The following BRI3 variants were observed in gnomAD, a reference collection of about 807,000 sequenced individuals.
BRI3 encodes the protein brain protein I3.
Under a neutral mutation model 12.8 loss-of-function variants are expected in BRI3, and 6 were observed. The ratio of observed to expected loss-of-function variants is 0.47; its 90% CI spans 0.26 to 0.93. BRI3 has a LOEUF of 0.93. Ranked by LOEUF, BRI3 falls within the 40% of genes least tolerant of loss-of-function variation. The probability of loss-of-function intolerance (pLI) is 0.15; values close to 1 mark genes in which losing one functional copy is unlikely to be tolerated. For missense variants in BRI3, 134 were observed against 171.1 expected, an observed-to-expected ratio of 0.78 and a Z score of 1.21; for synonymous variants, 91 against 76.1, an observed-to-expected ratio of 1.20 and a Z score of -1.02.
Position 98,281,906 on chromosome 7 carries a change from CCCG to C in BRI3, c.120_122del (p.Pro41del). Reference sequence around the variant, plus strand: ...GCTACGGCGCCATCCCCGCCGCGCCCCCGCCGCCGCCCTACCCCTACCTCGTCA... The same window carrying C: ...GCTACGGCGCCATCCCCGCCGCGCCCCCGCCGCCCTACCCCTACCTCGTCA... On this transcript the variant is annotated inframe_deletion, in exon 1 of 3. Coordinates refer to ENST00000297290, the MANE Select transcript of BRI3 (RefSeq NM_015379.5). 1 of 1,297,330 alleles carries C rather than the reference CCCG, an allele frequency of 7.7e-7. No homozygotes were observed. The allele number at this position is 1,297,330 out of a possible 1,614,324, so 80.4% of individuals were successfully genotyped here.
chr7:98,313,598 C>A (rs1367698818), downstream of BRI3, among the ~76,000 whole-genome samples: 1 of 152,084 alleles, frequency 6.6e-6, no homozygotes, highest in African/African-American at 2.4e-5. Context: ...AATACAGCAA[C>A]TATTTCCTTT....
Position 98,281,692 on chromosome 7 carries a change from G to T in BRI3, c.-104G>T, listed in dbSNP as rs1287956349. On this transcript the variant is annotated 5_prime_UTR_variant, in exon 1 of 3. Transcript: ENST00000297290. Reference sequence around the variant, plus strand: ...CCCGCCCCGCGTCTGCCTCAGAGGGGCCCGAGCCACCCGGTCCGCCGCGTC... The same window carrying T: ...CCCGCCCCGCGTCTGCCTCAGAGGGTCCCGAGCCACCCGGTCCGCCGCGTC... 1 of 481,568 alleles carries T rather than the reference G, an allele frequency of 2.1e-6. No individual in the cohort carries two copies. Among genetic ancestry groups the T allele is most frequent in the South Asian group, 8.1e-5 (1 of 12,300 alleles). The allele number at this position is 481,568 out of a possible 1,614,324, so 29.8% of individuals were successfully genotyped here. A position where few individuals can be genotyped will look rare whatever the true frequency, so the allele number is the denominator to read the frequency against.
In BRI3 at chr7:98,291,253, C is replaced by T. The variant is rs780177079; in HGVS notation, c.*10C>T. The T allele has an allele frequency of 2.5e-6, 4 of 1,612,622 alleles. No individual in the cohort carries two copies. The South Asian group carries it at 4.4e-5, about 18-fold the overall frequency. On this transcript the variant is annotated 3_prime_UTR_variant, in exon 3 of 3. Coordinates refer to ENST00000297290, the MANE Select transcript of BRI3 (RefSeq NM_015379.5). ...AGCCACCTTCGCTTAAAGGGAACACCAGGCCCGGCTTTCCTACACCCAGCT... is the reference window on the plus strand; with the variant it reads ...AGCCACCTTCGCTTAAAGGGAACACTAGGCCCGGCTTTCCTACACCCAGCT...
chr7:98,306,775 A>G, intron 1 of BRI3: 1 of 471,944 alleles, frequency 2.1e-6, no homozygotes. Flanking sequence ...TGGTGCGATC[A>G]TAGCTCACAG....
chr7:98,290,180 TG>T (rs137895342), intron 2 of BRI3, among the ~76,000 whole-genome samples: 3,495 of 82,722 alleles, frequency 0.042, 99 homozygotes, highest in Middle Eastern at 0.087. Flanking sequence ...CTCTCAAGGT[TG>T]TTTTTTTTTT....
upstream of BRI3, among the ~76,000 whole-genome samples, chr7:98,305,623 A>G (rs954387019): frequency 7.9e-5 from 12 of 152,012 alleles, no homozygotes; most frequent in African/African-American, 2.9e-4. Context: ...GGATCTTGCT[A>G]TGTTGCGCAG....
At chr7:98,318,228 CTCTT>C in the BRI3 span, among the ~76,000 whole-genome samples, 2 of 152,228 alleles carry the variant, frequency 1.3e-5, no homozygotes, top group Non-Finnish European at 2.9e-5. Flanking sequence ...AGGACATCTT[CTCTT>C]TCTTTTATTC....
exon 2 of BRI3, chr7:98,307,706 T>C (rs530955679): frequency 1.2e-6 from 2 of 1,614,150 alleles, no homozygotes; most frequent in African/African-American, 2.7e-5. Context: ...ACACGTCGTG[T>C]TCTCCATAGA....
At chr7:98,307,585 T>C in exon 2 of BRI3, 1 of 1,520,080 alleles carries the variant, frequency 6.6e-7, no homozygotes, top group Non-Finnish European at 8.8e-7. Context: ...AAACTTAACT[T>C]TGGCTAAAAT....
intron 2 of BRI3, among the ~76,000 whole-genome samples, 165 bp from the exon 3 acceptor site, chr7:98,290,946 G>T (rs1403882963): frequency 6.7e-6 from 1 of 149,706 alleles, no homozygotes; most frequent in East Asian, 1.9e-4. Context: ...AGGCCAGTGG[G>T]CTGTAGCTGG....
chr7:98,293,687 G>A (rs1251668897), downstream of BRI3: 1 of 1,299,892 alleles, frequency 7.7e-7, no homozygotes, highest in Non-Finnish European at 1.1e-6. Context: ...TGCCCTGTGA[G>A]ACTGGGCGGC....
chr7:98,290,504 G>A (rs1173943681), intron 2 of BRI3, among the ~76,000 whole-genome samples: 2 of 138,056 alleles, frequency 1.4e-5, no homozygotes, highest in Non-Finnish European at 3.1e-5. Context: ...CATCTCTCAA[G>A]GTTTTACTTT....
intron 2 of BRI3, 117 bp downstream of exon 2, chr7:98,282,570 C>T (rs902174966): frequency 9.6e-6 from 8 of 829,974 alleles, no homozygotes; most frequent in Admixed American, 9.3e-5. Context: ...TGGATCTTGA[C>T]CAGAGCCCTT....
At chr7:98,292,713 C>A, downstream of BRI3, 1 of 1,551,630 alleles carries the variant, frequency 6.4e-7, no homozygotes, top group Non-Finnish European at 8.7e-7. Context: ...GAAACCAGGA[C>A]CCCGAGCAGT....
chr7:98,311,130 A>T (rs886302105), downstream of BRI3, among the ~76,000 whole-genome samples: 2 of 151,974 alleles, frequency 1.3e-5, no homozygotes, highest in Admixed American at 1.3e-4. Flanking sequence ...TTTGATGCCT[A>T]TTTTTTTTCC....
chr7:98,302,919 G>A (rs972207098), upstream of BRI3, among the ~76,000 whole-genome samples: 1 of 152,066 alleles, frequency 6.6e-6, no homozygotes, highest in African/African-American at 2.4e-5. Context: ...TGAACAGCTG[G>A]GACTACAGAC....
intron 1 of BRI3, among the ~76,000 whole-genome samples, 197 bp downstream of exon 1, chr7:98,282,134 C>T (rs901501656): frequency 3.3e-5 from 5 of 152,188 alleles, no homozygotes; most frequent in Admixed American, 2.0e-4. Flanking sequence ...CGTCGTAACC[C>T]GGCGGGGCCG....
downstream of BRI3, among the ~76,000 whole-genome samples, chr7:98,297,829 C>T (rs1036283707): frequency 6.6e-6 from 1 of 152,180 alleles, no homozygotes; most frequent in Non-Finnish European, 1.5e-5. Context: ...TGAGGGCGCG[C>T]TGTGAAATGC....
At chr7:98,299,401 T>C (rs1800327334) in intron 1 of BRI3, among the ~76,000 whole-genome samples, 1 of 151,706 alleles carries the variant, frequency 6.6e-6, no homozygotes, top group Non-Finnish European at 1.5e-5. Flanking sequence ...CAAATGATCC[T>C]CCCGCCTCGG....
Sources: gnomAD v4.1 joint callset for allele counts (sites outside exome capture counted in the v4.1 genomes callset) on GRCh38, gnomAD v4.1.1 for gene constraint, MANE v1.5 for transcripts, NCBI Gene and HGNC (gene_info 2026-07-23, HGNC 2026-07-21) for gene names.